The following OPCML variants were observed in gnomAD, a reference collection of about 807,000 sequenced individuals.
OPCML encodes the protein opioid-binding protein/cell adhesion molecule.
In OPCML, 13 loss-of-function variants were observed where a neutral mutation model predicts 37.8. That is an observed-to-expected ratio of 0.34 (90% confidence interval 0.22 to 0.55). The LOEUF (loss-of-function observed/expected upper bound fraction) is 0.55. Among genes scored for constraint, OPCML ranks in the 20% least tolerant of loss-of-function variants. The pLI is 0.91. For synonymous variants in OPCML, 176 were observed against 168.8 expected, an observed-to-expected ratio of 1.04 and a Z score of -0.33; for missense variants, 341 against 435.6, an observed-to-expected ratio of 0.78 and a Z score of 1.93.
chr11:133,290,725 G>A (rs1482827919), intron 1 of OPCML, among the ~76,000 whole-genome samples: 1 of 152,228 alleles, frequency 6.6e-6, no homozygotes, highest in Admixed American at 6.5e-5. Context: ...GAGTACATGG[G>A]CAGCATGCCC....
At chr11:133,239,862 G>GGT (rs1940659191) in intron 1 of OPCML, among the ~76,000 whole-genome samples, 3 of 152,102 alleles carry the variant, frequency 2.0e-5, no homozygotes, top group South Asian at 2.1e-4. Context: ...GTAGGGGCTG[G>GGT]GTGTGTGTGC....
At chr11:133,163,821 C>A (rs73596457) in intron 1 of OPCML, among the ~76,000 whole-genome samples, 4 of 152,184 alleles carry the variant, frequency 2.6e-5, no homozygotes, top group Admixed American at 6.5e-5. Flanking sequence ...AATGAGTAGG[C>A]GCCATTACTC....
At chr11:133,250,417 A>C (rs1030636951) in intron 1 of OPCML, among the ~76,000 whole-genome samples, 36 of 150,468 alleles carry the variant, frequency 2.4e-4, no homozygotes, top group African/African-American at 7.3e-4. Context: ...GAAGGAAGGA[A>C]GGAAGGAAAG....
chr11:133,404,548 GA>G (rs1945484758), intron 1 of OPCML, among the ~76,000 whole-genome samples: 1 of 152,158 alleles, frequency 6.6e-6, no homozygotes, highest in Non-Finnish European at 1.5e-5. Context: ...AGGCTAAAGA[GA>G]TAAAGCAACT....
chr11:132,683,645 C>T (rs1314365241), intron 2 of OPCML, among the ~76,000 whole-genome samples: 1 of 152,194 alleles, frequency 6.6e-6, no homozygotes, highest in Admixed American at 6.5e-5. Flanking sequence ...AACCATAACT[C>T]ATGCATTCAA....
chr11:132,640,765 C>T (rs1940807078), intron 3 of OPCML, among the ~76,000 whole-genome samples: 2 of 152,114 alleles, frequency 1.3e-5, no homozygotes, highest in South Asian at 4.1e-4. Flanking sequence ...GTGGGAAAGC[C>T]TGAGCTCATA....
intron 1 of OPCML, chr11:133,006,836 A>T (rs1947122866): frequency 1.0e-6 from 1 of 985,322 alleles, no homozygotes; most frequent in South Asian, 4.7e-5. Context: ...GTAACTGGGC[A>T]TGAAGTGCTG....
intron 1 of OPCML, among the ~76,000 whole-genome samples, chr11:133,086,615 T>C (rs1286517511): frequency 1.3e-5 from 2 of 152,196 alleles, no homozygotes; most frequent in African/African-American, 2.4e-5. Flanking sequence ...GTGTAATGCA[T>C]GGTGTAATGA....
intron 2 of OPCML, among the ~76,000 whole-genome samples, chr11:132,688,169 T>C: frequency 7.5e-6 from 1 of 133,918 alleles, no homozygotes; most frequent in South Asian, 2.3e-4. Context: ...GGAATCATGG[T>C]TTTTTTTTTT....
Position 133,240,212 on chromosome 11 carries a change from C to CAAA in OPCML, c.61+292049_61+292051dup, listed in dbSNP as rs35643678. Among the ~76,000 whole-genome samples, 108 of 66,020 alleles carry CAAA rather than the reference C, an allele frequency of 1.6e-3. 1 individual carries two copies. Among genetic ancestry groups the CAAA allele is most frequent in the Non-Finnish European group, 2.6e-3 (93 of 35,286 alleles). 43.3% of individuals were successfully genotyped at this position (66,020 alleles called of 152,430 possible). On this transcript the variant is annotated intron_variant, in intron 1 of 7. Transcript: ENST00000524381. ...TGAATGAATACTCCCACACTTGGGG[C>CAAA]AAAAAAAAAAAAAAAAAAAAAAACA... is the stretch of plus-strand genomic sequence containing the variant.
rs58674976 is a variant in OPCML, at chr11:132,937,595, G to GGTGTGT, written c.146+5325_146+5330dup. ...TGTGTGGTGTGTGTGGCGTGTGTGG[G>GGTGTGT]GTGTGTGTGTGTGTGTGTGTGTGTG... On this transcript the variant is annotated intron_variant, in intron 2 of 7. Transcript: ENST00000524381. Among the ~76,000 whole-genome samples the GGTGTGT allele has an allele frequency of 1.5e-4, 13 of 88,828 alleles. No homozygotes were observed. The South Asian group carries it at 2.2e-3, about 15-fold the overall frequency. 58.3% of individuals were successfully genotyped at this position (88,828 alleles called of 152,430 possible). A position where few individuals can be genotyped will look rare whatever the true frequency, so the allele number is the denominator to read the frequency against.
intron 1 of OPCML, among the ~76,000 whole-genome samples, chr11:132,955,996 A>C (rs1415158387): frequency 6.6e-6 from 1 of 152,238 alleles, no homozygotes; most frequent in Non-Finnish European, 1.5e-5. Context: ...ATCAATATTT[A>C]TTCAATTAAT....
At chr11:133,083,495 G>T (rs1197217580) in intron 1 of OPCML, among the ~76,000 whole-genome samples, 1 of 152,212 alleles carries the variant, frequency 6.6e-6, no homozygotes, top group Admixed American at 6.5e-5. Flanking sequence ...GCCCCGGAAG[G>T]CTCGGCCCAT....
intron 2 of OPCML, among the ~76,000 whole-genome samples, chr11:132,724,892 C>A (rs1030190973): frequency 6.6e-6 from 1 of 152,172 alleles, no homozygotes; most frequent in Non-Finnish European, 1.5e-5. Context: ...GGTCTCACAT[C>A]GAGGTCATGC....
At chr11:133,038,178 G>A (rs545398138) in intron 1 of OPCML, among the ~76,000 whole-genome samples, 1 of 152,344 alleles carries the variant, frequency 6.6e-6, no homozygotes, top group Non-Finnish European at 1.5e-5. Flanking sequence ...TGCAGACTTA[G>A]GAGCCCTGGG....
chr11:133,359,192 A>G (rs1422982511), intron 1 of OPCML, among the ~76,000 whole-genome samples: 1 of 152,194 alleles, frequency 6.6e-6, no homozygotes, highest in East Asian at 1.9e-4. Flanking sequence ...TGCTTGACAT[A>G]TAAATTCCTC....
rs191245956 is a variant in OPCML at position 132,998,454 on chromosome 11, T to C, written c.62-55444A>G. On this transcript the variant is annotated intron_variant, in intron 1 of 7. Transcript: ENST00000524381. The stretch of plus-strand genomic sequence containing the variant: ...CCCTCCCCTGTGGGAAGTTTTTCTG[T>C]CTACTCTAAAGGTGTCTTATTTTCT... 2.8e-4 allele frequency among the ~76,000 whole-genome samples: 43 copies of C among 152,332 alleles called. No individual in the cohort carries two copies. The East Asian group carries it at 7.0e-3, about 25-fold the overall frequency.
intron 1 of OPCML, among the ~76,000 whole-genome samples, chr11:132,974,171 A>G (rs927289028): frequency 6.6e-6 from 1 of 152,242 alleles, no homozygotes; most frequent in South Asian, 2.1e-4. Context: ...CACTATATCA[A>G]GTTTACCCTT....
At chr11:132,649,535 T>C (rs1049723754) in intron 3 of OPCML, among the ~76,000 whole-genome samples, 4 of 152,112 alleles carry the variant, frequency 2.6e-5, no homozygotes, top group South Asian at 2.1e-4. Flanking sequence ...GGGGACACCC[T>C]CCCAGTGAAG....
Sources: allele counts gnomAD v4.1 joint callset (sites outside exome capture counted in the v4.1 genomes callset), GRCh38; gene constraint gnomAD v4.1.1; transcripts MANE v1.5; gene names NCBI Gene and HGNC (gene_info 2026-07-23, HGNC 2026-07-21).